The following AP1M1 variants were observed in gnomAD, a reference collection of about 807,000 sequenced individuals.
AP1M1 encodes AP-1 complex subunit mu-1.
AP1M1 carries 18 observed loss-of-function variants against 57.1 expected under a neutral mutation model. The ratio of observed to expected loss-of-function variants is 0.32; its 90% confidence interval spans 0.22 to 0.47. AP1M1 has a LOEUF of 0.47. Among genes scored for constraint, AP1M1 ranks in the 20% least tolerant of loss-of-function variants. The pLI, the probability that AP1M1 is intolerant of heterozygous loss-of-function variation, is 1.00. For missense variants in AP1M1, 362 were observed against 593.5 expected (o/e 0.61, Z 4.05); for synonymous variants, 241 against 237.9 (o/e 1.01, Z -0.12).
At position 16,239,657 on chromosome 19, in the gene AP1M1, T is replaced by TA. The variant is rs1394160582; in HGVS notation, c.*5223dup. ...AGAATTAGCTGGGCGTAGTGGCTCA[T>TA]ACCTGTAATCCCAGCTACTCAGGTG... is the stretch of plus-strand genomic sequence containing the variant. On this transcript the variant is annotated 3_prime_UTR_variant, in exon 12 of 12. Transcript: ENST00000291439. 1 of 151,850 alleles carries TA rather than the reference T, an allele frequency of 6.6e-6. No individual in the cohort carries two copies. The highest frequency in any genetic ancestry group is 1.5e-5 in the Non-Finnish European group (1 of 67,960). The allele number at this position is 151,850 out of a possible 1,614,324, so 9.4% of individuals were successfully genotyped here.
At position 16,215,194 on chromosome 19, in the gene AP1M1, C is replaced by CAGGGGCGGGGG. The variant is rs1568350995; in HGVS notation, c.546+6017_546+6018insAGGGGCGGGGG. On this transcript the variant is annotated intron_variant, in intron 5 of 11. Coordinates refer to ENST00000291439, the MANE Select transcript of AP1M1 (RefSeq NM_032493.4). ...ATCCCAGCACTTTGGGAGGCTAAGG[C>CAGGGGCGGGGG]GGGGGCGGGGGGGGGGGAGAGGGGG... Among the ~76,000 whole-genome samples the CAGGGGCGGGGG allele has an allele frequency of 4.2e-3, 8 of 1,918 alleles. 1 individual carries two copies. Among genetic ancestry groups the CAGGGGCGGGGG allele is most frequent in the East Asian group, 0.011 (1 of 92 alleles). The allele number at this position is 1,918 out of a possible 152,430, so 1.3% of individuals were successfully genotyped here. A position where few individuals can be genotyped will look rare whatever the true frequency, so the allele number is the denominator to read the frequency against.
rs1246642298 is a variant in AP1M1, at chr19:16,236,943, A to C, written c.*2508A>C. The C allele has an allele frequency of 6.6e-6, 1 of 152,276 alleles. No homozygotes were observed. The highest frequency in any genetic ancestry group is 2.1e-4 in the South Asian group (1 of 4,832). 9.4% of individuals were successfully genotyped at this position (152,276 alleles called of 1,614,324 possible). A position where few individuals can be genotyped will look rare whatever the true frequency, so the allele number is the denominator to read the frequency against. On this transcript the variant is annotated 3_prime_UTR_variant, in exon 12 of 12. Transcript: ENST00000291439. ...CGGCATGTAAACAAATACACTATGC[A>C]GTCAATCTGTTGCAAGTGCCTAAAG... is the stretch of plus-strand genomic sequence containing the variant.
intron 5 of AP1M1, among the ~76,000 whole-genome samples, chr19:16,215,443 CACA>C (rs1435966815): frequency 8.5e-6 from 1 of 116,976 alleles, no homozygotes; most frequent in African/African-American, 3.4e-5. Context: ...CAGCCTGGGC[CACA>C]GAATGAGATT....
rs979812454 is a variant in AP1M1 at position 16,236,995 on chromosome 19, C to T, written c.*2560C>T. 2.6e-5 allele frequency: 4 copies of T among 152,206 alleles called. No homozygotes were observed. The highest frequency in any genetic ancestry group is 2.6e-4 in the Admixed American group (4 of 15,284). The allele number at this position is 152,206 out of a possible 1,614,324, so 9.4% of individuals were successfully genotyped here. ...CACAGAGACTCTGAATAGAAAAGAG[C>T]AAAATGCTGTTAAGACAGAGCTGTT... On this transcript the variant is annotated 3_prime_UTR_variant, in exon 12 of 12. Transcript: ENST00000291439.
At chr19:16,202,929 A>C (rs769581613) in intron 1 of AP1M1, 1 of 156,114 alleles carries the variant, frequency 6.4e-6, no homozygotes, top group Non-Finnish European at 1.4e-5. Flanking sequence ...TAGTTGTCCC[A>C]TTTTCCATTC....
intron 5 of AP1M1, among the ~76,000 whole-genome samples, chr19:16,219,415 G>C (rs990205113): frequency 9.6e-6 from 1 of 103,988 alleles, no homozygotes; most frequent in South Asian, 3.1e-4. Flanking sequence ...TTTTTTTTTT[G>C]AGATGGAATT....
rs2091614639 is a variant in AP1M1, at chr19:16,234,408, C to T, written c.1250-5C>T. On this transcript the variant is annotated splice_polypyrimidine_tract_variant and splice_region_variant and intron_variant, in intron 11 of 11. Coordinates refer to ENST00000291439, the MANE Select transcript of AP1M1 (RefSeq NM_032493.4). The stretch of plus-strand genomic sequence containing the variant: ...CCAGCATGACGCCTCCCTCCTGTCT[C>T]CTAGATTACCAGCTCCGGACCCAGT... 6.2e-7 allele frequency: 1 copy of T among 1,613,838 alleles called. No individual in the cohort carries two copies. Among genetic ancestry groups the T allele is most frequent in the Non-Finnish European group, 8.5e-7 (1 of 1,179,984 alleles).
At chr19:16,213,559 A>G (rs1029900110) in intron 5 of AP1M1, among the ~76,000 whole-genome samples, 1 of 151,940 alleles carries the variant, frequency 6.6e-6, no homozygotes, top group Non-Finnish European at 1.5e-5. Context: ...CAGTGGCGCA[A>G]TCTCGGCTCA....
intron 9 of AP1M1, among the ~76,000 whole-genome samples, chr19:16,232,468 T>G (rs1309799100): frequency 1.3e-5 from 2 of 152,246 alleles, no homozygotes; most frequent in African/African-American, 4.8e-5. Flanking sequence ...AGATTTGGGG[T>G]CTGGCTGAGT....
intron 9 of AP1M1, among the ~76,000 whole-genome samples, chr19:16,230,763 A>G (rs1472225665): frequency 6.6e-6 from 1 of 152,158 alleles, no homozygotes; most frequent in Non-Finnish European, 1.5e-5. Context: ...TAACTGTGCT[A>G]TGTGCTTTAT....
intron 9 of AP1M1, among the ~76,000 whole-genome samples, chr19:16,233,071 G>T (rs999897263): frequency 6.6e-6 from 1 of 152,202 alleles, no homozygotes; most frequent in Non-Finnish European, 1.5e-5. Context: ...GAGACTGGGC[G>T]TGTGGCCCCT....
In AP1M1 at chr19:16,237,420, C is replaced by G. The variant is rs185567825; in HGVS notation, c.*2985C>G. 1 of 152,240 alleles carries G rather than the reference C, an allele frequency of 6.6e-6. No homozygotes were observed. Among genetic ancestry groups the G allele is most frequent in the Non-Finnish European group, 1.5e-5 (1 of 68,228 alleles). 9.4% of individuals were successfully genotyped at this position (152,240 alleles called of 1,614,324 possible). On this transcript the variant is annotated 3_prime_UTR_variant, in exon 12 of 12. Coordinates refer to ENST00000291439, the MANE Select transcript of AP1M1 (RefSeq NM_032493.4). ...CTGCACTCCAGCCTGGGCAACAGAG[C>G]GAGACTCCGTCTCAAAACACAACAA...
At position 16,227,237 on chromosome 19, in the gene AP1M1, C is replaced by T. The variant is rs145532380; in HGVS notation, c.674-311C>T. Among the ~76,000 whole-genome samples, 376 of 152,280 alleles carry T rather than the reference C, an allele frequency of 2.5e-3. 2 individuals are homozygous for T. Among genetic ancestry groups the T allele is most frequent in the African/African-American group, 8.8e-3 (365 of 41,564 alleles). On this transcript the variant is annotated intron_variant, in intron 6 of 11. Coordinates refer to ENST00000291439, the MANE Select transcript of AP1M1 (RefSeq NM_032493.4). The surrounding 1 kb of genome is among the most constrained non-coding windows in gnomAD (Gnocchi z 6.2). ...CCCTTGGGGAGCCCCGAGCCATCCC[C>T]CAGCCAAGTCCACTGATCAATCATT...
intron 5 of AP1M1, among the ~76,000 whole-genome samples, chr19:16,219,421 G>A (rs1369058354): frequency 6.8e-6 from 1 of 146,362 alleles, no homozygotes; most frequent in Non-Finnish European, 1.5e-5. Context: ...TTTTGAGATG[G>A]AATTTCGCTC....
At position 16,240,652 on chromosome 19, in the gene AP1M1, G is replaced by C. The variant is rs2091642524; in HGVS notation, c.*6217G>C. The stretch of plus-strand genomic sequence containing the variant: ...TTTTGTAGAGATGGGGTTTCACTAT[G>C]TTGGTCAAGATGGTCTCGAACTCCT... On this transcript the variant is annotated 3_prime_UTR_variant, in exon 12 of 12. Transcript: ENST00000291439. The C allele has an allele frequency of 6.6e-6, 1 of 152,018 alleles. No homozygotes were observed. Among genetic ancestry groups the C allele is most frequent in the Non-Finnish European group, 1.5e-5 (1 of 68,048 alleles). The allele number at this position is 152,018 out of a possible 1,614,324, so 9.4% of individuals were successfully genotyped here.
chr19:16,223,685 C>T (rs796445769), intron 5 of AP1M1, among the ~76,000 whole-genome samples: 22 of 152,314 alleles, frequency 1.4e-4, no homozygotes, highest in African/African-American at 4.8e-4. Flanking sequence ...CTCTGTGGTG[C>T]ACACTTCTGC....
chr19:16,204,072 GTC>G (rs1179115216), intron 2 of AP1M1, among the ~76,000 whole-genome samples: 3 of 152,216 alleles, frequency 2.0e-5, no homozygotes, highest in African/African-American at 7.2e-5. Flanking sequence ...GTGACAGGAA[GTC>G]TCTGGAGGCT....
intron 5 of AP1M1, 75 bp from the exon 6 acceptor site, chr19:16,226,346 G>T: frequency 1.3e-6 from 2 of 1,483,818 alleles, no homozygotes; most frequent in Non-Finnish European, 9.0e-7. Context: ...GGTGGCCAGA[G>T]GGTCACATGA....
Position 16,203,680 on chromosome 19 carries a change from A to C in AP1M1, c.199+65A>C. Reference sequence around the variant, plus strand: ...TGGGTGTTGGTGTGTGTGCATATCCACACGCCTGCAAGCAGGGCTGGTTTG... The same window carrying C: ...TGGGTGTTGGTGTGTGTGCATATCCCCACGCCTGCAAGCAGGGCTGGTTTG... On this transcript the variant is annotated intron_variant, in intron 2 of 11. Transcript: ENST00000291439. The surrounding 1 kb of genome is among the most constrained non-coding windows in gnomAD (Gnocchi z 4.6). 6.6e-7 allele frequency: 1 copy of C among 1,511,976 alleles called. No homozygotes were observed. Among genetic ancestry groups the C allele is most frequent in the Non-Finnish European group, 9.0e-7 (1 of 1,116,634 alleles). The allele number at this position is 1,511,976 out of a possible 1,614,324, so 93.7% of individuals were successfully genotyped here.
Sources: gnomAD v4.1 joint callset for allele counts (sites outside exome capture counted in the v4.1 genomes callset) on GRCh38, gnomAD v4.1.1 for gene constraint, Gnocchi (gnomAD v3.1) non-coding constraint, MANE v1.5 for transcripts, NCBI Gene and HGNC (gene_info 2026-07-23, HGNC 2026-07-21) for gene names.